CFAP45: variants seen among roughly 807,000 people sequenced by gnomAD.
CFAP45 encodes cilia and flagella associated protein 45, also known as cilia- and flagella-associated protein 45.
CFAP45 carries 43 observed loss-of-function variants against 75.6 expected under a neutral mutation model. That is an observed-to-expected ratio of 0.57 (90% CI 0.45 to 0.73). The LOEUF (loss-of-function observed/expected upper bound fraction) is 0.73, where lower values mean the gene tolerates loss of function less well. Ranked by LOEUF, CFAP45 falls within the 30% of genes least tolerant of loss-of-function variation. The probability of loss-of-function intolerance (pLI) is 0.00; values close to 1 mark genes in which losing one functional copy is unlikely to be tolerated. For synonymous variants in CFAP45, 223 were observed against 244.6 expected (o/e 0.91, Z 0.82); for missense variants, 689 against 701.5 (o/e 0.98, Z 0.20).
At chr1:159,883,394 G>A (rs115633981) in intron 7 of CFAP45, among the ~76,000 whole-genome samples, 1,886 of 152,252 alleles carry the variant, frequency 0.012, 13 homozygotes, top group Middle Eastern at 0.061. Context: ...GTCTAGTTTG[G>A]AAACAAGAGA....
chr1:159,890,394 C>G, intron 3 of CFAP45, 86 bp downstream of exon 3: 1 of 1,292,200 alleles, frequency 7.7e-7, no homozygotes. Flanking sequence ...CAGAATGAAA[C>G]CAGGTGGGTT....
At chr1:159,873,423 C>A in intron 10 of CFAP45, 1 of 546,668 alleles carries the variant, frequency 1.8e-6, no homozygotes, top group Non-Finnish European at 3.3e-6. Flanking sequence ...TTAGAAGGGC[C>A]CCCAGCTTGG....
rs751141465 is a variant in CFAP45, at chr1:159,887,950, T to C, written c.479A>G (p.Lys160Arg). The change falls in exon 5 of 12, where the codon AAG becomes AGG. Residue 160 changes from lysine (K) to arginine (R), a missense_variant. By Grantham distance (26) the Lys-to-Arg change is conservative (BLOSUM62 2). Transcript: ENST00000368099. ...CACCTCCTCCAGGTCACTGAGCTTC[T>C]TGTTGTTGTTCCACACCATCTCCTT... is the stretch of plus-strand genomic sequence containing the variant. ...KQKEMVWNNN[K>R]KLSDLEEVAK... The C allele has an allele frequency of 6.2e-7, 1 of 1,614,194 alleles. No individual in the cohort carries two copies. The highest frequency in any genetic ancestry group is 2.2e-5 in the East Asian group (1 of 44,872).
At chr1:159,882,973 C>T (rs1167327672) in intron 7 of CFAP45, among the ~76,000 whole-genome samples, 1 of 152,122 alleles carries the variant, frequency 6.6e-6, no homozygotes, top group Non-Finnish European at 1.5e-5. Flanking sequence ...TCCCAACTAC[C>T]CAGGTGATCT....
intron 1 of CFAP45, 191 bp downstream of exon 1, chr1:159,899,905 C>G (rs1571193250): frequency 1.7e-6 from 1 of 591,370 alleles, no homozygotes; most frequent in Non-Finnish European, 3.0e-6. Flanking sequence ...CAATCGTTAT[C>G]GATGCTATCC....
intron 4 of CFAP45, 69 bp from the exon 5 acceptor site, chr1:159,888,080 C>CT: frequency 2.6e-6 from 4 of 1,528,150 alleles, no homozygotes; most frequent in Non-Finnish European, 3.6e-6. Flanking sequence ...GCTAGCCTGG[C>CT]TACCACAGGT....
chr1:159,875,906 T>C (rs547731872), intron 10 of CFAP45, among the ~76,000 whole-genome samples: 34 of 152,296 alleles, frequency 2.2e-4, no homozygotes, highest in African/African-American at 7.9e-4. Context: ...GTGTTGAAAT[T>C]ATCATTGAGC....
At chr1:159,897,499 C>T (rs1649980052) in intron 1 of CFAP45, among the ~76,000 whole-genome samples, 1 of 152,122 alleles carries the variant, frequency 6.6e-6, no homozygotes, top group African/African-American at 2.4e-5. Flanking sequence ...AGGAGAATCG[C>T]TTGAACCTGG....
chr1:159,886,627 G>T lies in CFAP45; in HGVS notation c.651C>A (p.Ile217=). Residue 217 remains isoleucine (I), a synonymous_variant, in exon 6 of 12, where the codon ATC becomes ATA. Transcript: ENST00000368099. ...TCTCTTCTGTGTCCAGTTCTTTTTGGATCTGCTGCTTCTCCAGGATTTGGG... is the reference window on the plus strand; with the variant it reads ...TCTCTTCTGTGTCCAGTTCTTTTTGTATCTGCTGCTTCTCCAGGATTTGGG... ...RDAQILEKQQ[I]QKELDTEEKR... is the part of the protein sequence containing the mutation. 1 of 1,613,970 alleles carries T rather than the reference G, an allele frequency of 6.2e-7. No homozygotes were observed. Among genetic ancestry groups the T allele is most frequent in the South Asian group, 1.1e-5 (1 of 91,068 alleles).
Position 159,900,089 on chromosome 1 carries a change from C to G in CFAP45, c.3+7G>C. 6.2e-7 allele frequency: 1 copy of G among 1,614,134 alleles called. No individual in the cohort carries two copies. The highest frequency in any genetic ancestry group is 8.5e-7 in the Non-Finnish European group (1 of 1,179,992). On this transcript the variant is annotated splice_region_variant and intron_variant, in intron 1 of 11. Coordinates refer to ENST00000368099, the MANE Select transcript of CFAP45 (RefSeq NM_012337.3). ...ACACAAGGGGCCCATCTGAGGTTCTCCCTCACCATCTCCTCAGCCACACGC... is the reference window on the plus strand; with the variant it reads ...ACACAAGGGGCCCATCTGAGGTTCTGCCTCACCATCTCCTCAGCCACACGC...
At chr1:159,875,709 T>C (rs931580750) in intron 10 of CFAP45, among the ~76,000 whole-genome samples, 11 of 152,214 alleles carry the variant, frequency 7.2e-5, no homozygotes, top group Admixed American at 2.0e-4. Flanking sequence ...AAAATTCTAA[T>C]GTTGTAGAGT....
chr1:159,890,295 G>A (rs1396463823), intron 3 of CFAP45, among the ~76,000 whole-genome samples, 185 bp downstream of exon 3: 2 of 152,204 alleles, frequency 1.3e-5, no homozygotes, highest in Middle Eastern at 3.2e-3. Flanking sequence ...AACAATGGGA[G>A]AAACAAGAGA....
At chr1:159,876,887 T>G (rs1455340586) in intron 9 of CFAP45, 138 bp from the exon 10 acceptor site, 3 of 830,004 alleles carry the variant, frequency 3.6e-6, no homozygotes, top group Non-Finnish European at 5.9e-6. Context: ...CAGCTAGTTA[T>G]TCTAGGAAAA....
chr1:159,884,707 T>C, intron 6 of CFAP45, 142 bp from the exon 7 acceptor site: 2 of 855,854 alleles, frequency 2.3e-6, no homozygotes, highest in South Asian at 3.6e-5. Flanking sequence ...ATATGCTTCA[T>C]GAGCCCAGAC....
chr1:159,887,738 C>T, intron 5 of CFAP45, 103 bp downstream of exon 5: 2 of 1,162,164 alleles, frequency 1.7e-6, no homozygotes, highest in South Asian at 1.5e-5. Context: ...CCCACCCCTG[C>T]CCACACCCCC....
chr1:159,879,660 G>C (rs1403382841), intron 8 of CFAP45, among the ~76,000 whole-genome samples: 3 of 152,126 alleles, frequency 2.0e-5, no homozygotes, highest in Non-Finnish European at 2.9e-5. Context: ...GCCAATAAGT[G>C]AGCTTCGCTG....
intron 3 of CFAP45, 73 bp downstream of exon 3, chr1:159,890,407 C>G: frequency 6.8e-7 from 1 of 1,476,770 alleles, no homozygotes. Context: ...GGTGGGTTTA[C>G]CCATCTCCCT....
At chr1:159,883,288 C>CTGAA (rs145427366) in intron 7 of CFAP45, among the ~76,000 whole-genome samples, 68,607 of 151,084 alleles carry the variant, frequency 0.45, 17,498 homozygotes, top group Non-Finnish European at 0.56. Context: ...GAATGAAGAA[C>CTGAA]TGAATGAATG....
rs374424131 is a variant in CFAP45 at position 159,887,879 on chromosome 1, G to T, written c.550C>A (p.Arg184=). ...QNLLQRANKL[R]MEQEEELKDM... The stretch of plus-strand genomic sequence containing the variant: ...TTGAGCTCCTCCTCCTGCTCCATCC[G>T]CAGCTTGTTGGCTCTCTGCAGGAGG... Residue 184 remains arginine (R), a synonymous_variant, in exon 5 of 12, where the codon CGG becomes AGG. Coordinates refer to ENST00000368099, the MANE Select transcript of CFAP45 (RefSeq NM_012337.3). The T allele has an allele frequency of 6.2e-7, 1 of 1,613,956 alleles. No individual in the cohort carries two copies.
Sources: allele counts gnomAD v4.1 joint callset (sites outside exome capture counted in the v4.1 genomes callset), GRCh38; gene constraint gnomAD v4.1.1; transcripts MANE v1.5; gene names NCBI Gene and HGNC (gene_info 2026-07-23, HGNC 2026-07-21).